NLRP1: variants seen among roughly 807,000 people sequenced by gnomAD.
NLRP1 encodes NLR family pyrin domain containing 1.
Under a neutral mutation model 136.7 loss-of-function variants are expected in NLRP1, and 94 were observed. The ratio of observed to expected loss-of-function variants is 0.69; its 90% CI spans 0.58 to 0.82. The LOEUF (loss-of-function observed/expected upper bound fraction) is 0.82, where lower values mean the gene tolerates loss of function less well. Among genes scored for constraint, NLRP1 ranks in the 40% least tolerant of loss-of-function variants. NLRP1 has a pLI of 0.00. For synonymous variants in NLRP1, 690 were observed against 725.1 expected (o/e 0.95, Z 0.78); for missense variants, 1,575 against 1,802.7 (o/e 0.87, Z 2.29).
chr17:5,532,998 G>GC lies in NLRP1; in HGVS notation c.3134-15dup. 6.2e-7 allele frequency: 1 copy of GC among 1,606,540 alleles called. No individual in the cohort carries two copies. The highest frequency in any genetic ancestry group is 8.5e-7 in the Non-Finnish European group (1 of 1,176,402). ...GGGAGCTTTCCTCTGAAACAGCAAG[G>GC]CAGCGGTCAGCTCCAGATTCTCCCG... On this transcript the variant is annotated splice_polypyrimidine_tract_variant and intron_variant, in intron 10 of 16. Transcript: ENST00000572272.
Position 5,583,367 on chromosome 17 carries a change from G to A in NLRP1, c.271+320C>T, listed in dbSNP as rs535565728. ...ATAGGCAGAGAGCAGTGAAGTGATTGGCCCAGGGTGATAGTGCCAGGACTG... is the reference window on the plus strand; with the variant it reads ...ATAGGCAGAGAGCAGTGAAGTGATTAGCCCAGGGTGATAGTGCCAGGACTG... On this transcript the variant is annotated intron_variant, in intron 1 of 16. Transcript: ENST00000572272. The surrounding 1 kb of genome is among the most constrained non-coding windows in gnomAD (Gnocchi z 4.5). Among the ~76,000 whole-genome samples the A allele has an allele frequency of 1.8e-4, 27 of 152,298 alleles. No homozygotes were observed. Among genetic ancestry groups the A allele is most frequent in the African/African-American group, 6.5e-4 (27 of 41,548 alleles).
At chr17:5,576,804 C>T (rs747846389) in intron 3 of NLRP1, among the ~76,000 whole-genome samples, 40 of 150,266 alleles carry the variant, frequency 2.7e-4, no homozygotes, top group Non-Finnish European at 4.6e-4. Context: ...AGAGACACAA[C>T]AAAAAAAAAG....
chr17:5,539,438 A>G lies in NLRP1; in HGVS notation c.2847T>C (p.Pro949=). 6.2e-7 allele frequency: 1 copy of G among 1,613,740 alleles called. No individual in the cohort carries two copies. ...VRLLCEGLRH[P]ACKLIRLGLD... Reference sequence around the variant, plus strand: ...ACCCCAGGCGTATGAGTTTGCAGGCAGGATGCCTGAGCCCCTCACAGAGCA... The same window carrying G: ...ACCCCAGGCGTATGAGTTTGCAGGCGGGATGCCTGAGCCCCTCACAGAGCA... The change falls in exon 7 of 17, where the codon CCT becomes CCC. Residue 949 remains proline (P), a synonymous_variant. Transcript: ENST00000572272.
chr17:5,552,884 C>T (rs1294823365), intron 5 of NLRP1, among the ~76,000 whole-genome samples: 1 of 152,198 alleles, frequency 6.6e-6, no homozygotes, highest in South Asian at 2.1e-4. Context: ...ATGTTGCAGC[C>T]AGTTTCTATT....
At chr17:5,530,274 T>C (rs1242953039) in intron 12 of NLRP1, among the ~76,000 whole-genome samples, 1 of 152,208 alleles carries the variant, frequency 6.6e-6, no homozygotes, top group Non-Finnish European at 1.5e-5. Flanking sequence ...TTTAGGCAGA[T>C]ATAATTATGA....
intron 15 of NLRP1, chr17:5,503,903 C>A (rs1266740322): frequency 1.3e-5 from 2 of 152,232 alleles, no homozygotes; most frequent in Non-Finnish European, 2.9e-5. Flanking sequence ...AGAGTACATA[C>A]CCCTCTCAGA....
rs1319669078 is a variant in NLRP1 at position 5,533,403 on chromosome 17, T to G, written c.3053-19A>C. Reference sequence around the variant, plus strand: ...GCCCTCTCTACAGAAAAAAGAAAAATATCAGCCAGGCATGGTGGTGAGCAT... The same window carrying G: ...GCCCTCTCTACAGAAAAAAGAAAAAGATCAGCCAGGCATGGTGGTGAGCAT... On this transcript the variant is annotated intron_variant, in intron 9 of 16. Transcript: ENST00000572272. 1.1e-6 allele frequency: 1 copy of G among 886,390 alleles called. No individual in the cohort carries two copies. The highest frequency in any genetic ancestry group is 1.8e-6 in the Non-Finnish European group (1 of 545,848). 54.9% of individuals were successfully genotyped at this position (886,390 alleles called of 1,614,324 possible). A position where few individuals can be genotyped will look rare whatever the true frequency, so the allele number is the denominator to read the frequency against.
chr17:5,575,586 T>A (rs914249665), intron 3 of NLRP1, among the ~76,000 whole-genome samples: 3 of 152,160 alleles, frequency 2.0e-5, no homozygotes, highest in African/African-American at 7.2e-5. Flanking sequence ...ATCCTAAATA[T>A]ATATGCACCC....
chr17:5,552,403 T>C (rs1913486761), intron 5 of NLRP1, among the ~76,000 whole-genome samples: 1 of 152,336 alleles, frequency 6.6e-6, no homozygotes, highest in South Asian at 2.1e-4. Flanking sequence ...AGATTTGTTT[T>C]ATGGGGCGAT....
At chr17:5,501,937 G>A in intron 15 of NLRP1, 2 of 1,448,538 alleles carry the variant, frequency 1.4e-6, no homozygotes, top group Non-Finnish European at 1.9e-6. Context: ...GAGGTCCACT[G>A]GCCGGCTTTG....
In NLRP1 at chr17:5,583,672, C is replaced by T; in HGVS notation, c.271+15G>A. ...GGGGATGTCCCGCGGGCAGTGGGGT[C>T]CTCTGTCCACTCACCTGCCCCTTCC... On this transcript the variant is annotated intron_variant, in intron 1 of 16. Coordinates refer to ENST00000572272, the MANE Select transcript of NLRP1 (RefSeq NM_033004.4). The surrounding 1 kb of genome is among the most constrained non-coding windows in gnomAD (Gnocchi z 4.5). 1 of 1,549,678 alleles carries T rather than the reference C, an allele frequency of 6.5e-7. No homozygotes were observed. Among genetic ancestry groups the T allele is most frequent in the South Asian group, 1.2e-5 (1 of 83,994 alleles).
In NLRP1 at chr17:5,558,947, C is replaced by CT. The variant is rs904995532; in HGVS notation, c.1748dup (p.Thr584AspfsTer7). Reference sequence around the variant, plus strand: ...TGAGGTCATCTGGACTGAAAAGGGTCTTTTTTTGCCAGATGCCCTCAGCAG... The same window carrying CT: ...TGAGGTCATCTGGACTGAAAAGGGTCTTTTTTTTGCCAGATGCCCTCAGCAG... On this transcript the variant is annotated frameshift_variant, in exon 4 of 17. Transcript: ENST00000572272. LOFTEE classifies it high-confidence loss of function. 1.9e-6 allele frequency: 3 copies of CT among 1,613,962 alleles called. No homozygotes were observed. Among genetic ancestry groups the CT allele is most frequent in the African/African-American group, 1.3e-5 (1 of 74,890 alleles).
At chr17:5,555,553 C>T (rs1297551365) in intron 4 of NLRP1, among the ~76,000 whole-genome samples, 3 of 152,056 alleles carry the variant, frequency 2.0e-5, no homozygotes, top group African/African-American at 7.2e-5. Flanking sequence ...AGCCCCCATC[C>T]CCCGGCCAGC....
At position 5,553,552 on chromosome 17, in the gene NLRP1, T is replaced by C; in HGVS notation, c.2362A>G (p.Arg788Gly). ...TWSPTMVVLF[R>G]WVPVTDAYWQ... ...TAGGCATCTGTGACTGGGACCCACCTGAACCTGAGGGGGAGAGAGAAGGAC... is the reference window on the plus strand; with the variant it reads ...TAGGCATCTGTGACTGGGACCCACCCGAACCTGAGGGGGAGAGAGAAGGAC... The change falls in exon 5 of 17, where the codon AGG becomes GGG. Residue 788 changes from arginine to glycine, a missense_variant. Transcript: ENST00000572272. The C allele has an allele frequency of 6.2e-7, 1 of 1,613,612 alleles. No homozygotes were observed. Among genetic ancestry groups the C allele is most frequent in the Non-Finnish European group, 8.5e-7 (1 of 1,179,620 alleles).
rs1911125190 is a variant in NLRP1, at chr17:5,536,783, C to T, written c.2960+68G>A. 2.6e-6 allele frequency: 3 copies of T among 1,134,702 alleles called. No homozygotes were observed. In the South Asian group the frequency reaches 3.7e-5, roughly 14 times the overall value. The allele number at this position is 1,134,702 out of a possible 1,614,324, so 70.3% of individuals were successfully genotyped here. On this transcript the variant is annotated intron_variant, in intron 8 of 16. Transcript: ENST00000572272. ...GCTGTGTTTGTCTCTCACCCCATGG[C>T]TCTTTCCCTGTCTCCTGCTCAGCCC...
At chr17:5,557,518 T>C (rs1488276115) in intron 4 of NLRP1, among the ~76,000 whole-genome samples, 1 of 152,244 alleles carries the variant, frequency 6.6e-6, no homozygotes, top group Non-Finnish European at 1.5e-5. Flanking sequence ...AAATGAATGT[T>C]TGTCTTCTCC....
intron 5 of NLRP1, among the ~76,000 whole-genome samples, chr17:5,550,162 CT>C (rs1913157775): frequency 6.6e-6 from 1 of 150,678 alleles, no homozygotes; most frequent in South Asian, 2.1e-4. Context: ...TCTTGTGATG[CT>C]TTTGGTTATC....
chr17:5,508,302 G>A (rs1469456404), intron 15 of NLRP1, among the ~76,000 whole-genome samples: 1 of 152,138 alleles, frequency 6.6e-6, no homozygotes, highest in African/African-American at 2.4e-5. Flanking sequence ...TGTCTCAAAA[G>A]AAAAATAAAA....
At chr17:5,508,745 CA>C (rs1006513156) in intron 15 of NLRP1, among the ~76,000 whole-genome samples, 1 of 151,708 alleles carries the variant, frequency 6.6e-6, no homozygotes, top group Non-Finnish European at 1.5e-5. Flanking sequence ...AAATCAAAGT[CA>C]AAAAAACAAG....
Sources: gnomAD v4.1 joint callset for allele counts (sites outside exome capture counted in the v4.1 genomes callset) on GRCh38, gnomAD v4.1.1 for gene constraint, Gnocchi (gnomAD v3.1) non-coding constraint, MANE v1.5 for transcripts, NCBI Gene and HGNC (gene_info 2026-07-23, HGNC 2026-07-21) for gene names.